The following KCNIP4 variants were observed in gnomAD, a reference collection of about 807,000 sequenced individuals.
KCNIP4 encodes the protein potassium voltage-gated channel interacting protein 4.
A neutral mutation model predicts 34.0 loss-of-function variants in KCNIP4; 12 were observed. The observed-to-expected ratio is 0.35, with a 90% confidence interval of 0.23 to 0.57. The LOEUF (loss-of-function observed/expected upper bound fraction) is 0.57, where lower values mean the gene tolerates loss of function less well. KCNIP4 is among the 20% of genes least tolerant of loss of function. The pLI is 0.83. For synonymous variants in KCNIP4, 124 were observed against 102.2 expected, an observed-to-expected ratio of 1.21 and a Z score of -1.29; for missense variants, 238 against 311.7, an observed-to-expected ratio of 0.76 and a Z score of 1.78.
rs936477118 is a variant in KCNIP4 at position 21,083,594 on chromosome 4, T to C, written c.62-200885A>G. ...GGCAATGAGATCACTGAGTCAGAGA[T>C]TGGAGTTAGGCATCCATAAACCAAG... On this transcript the variant is annotated intron_variant, in intron 1 of 8. Transcript: ENST00000382152. Among the ~76,000 whole-genome samples, 7 of 151,568 alleles carry C rather than the reference T, an allele frequency of 4.6e-5. 1 individual carries two copies. In the East Asian group the frequency reaches 5.8e-4, roughly 13 times the overall value.
intron 1 of KCNIP4, among the ~76,000 whole-genome samples, chr4:21,134,986 C>T (rs2109186867): frequency 6.6e-6 from 1 of 152,330 alleles, no homozygotes. Flanking sequence ...GTCAACTTTA[C>T]AAATGGCATC....
rs180852492 is a variant in KCNIP4 at position 21,729,666 on chromosome 4, T to C, written c.61+218905A>G. Among the ~76,000 whole-genome samples the C allele has an allele frequency of 2.0e-5, 3 of 152,296 alleles. No individual in the cohort carries two copies. The East Asian group carries it at 5.8e-4, about 29-fold the overall frequency. ...AAGGTATGCCTCTGCTTCATTCCCA[T>C]GAATGTTTCCTATAAGTTTACATGT... On this transcript the variant is annotated intron_variant, in intron 1 of 8. Transcript: ENST00000382152.
intron 1 of KCNIP4, among the ~76,000 whole-genome samples, chr4:20,920,284 G>C (rs1409624983): frequency 2.0e-5 from 3 of 152,038 alleles, no homozygotes; most frequent in Admixed American, 1.3e-4. Flanking sequence ...ACAATTCCTG[G>C]ACAGCCCTGC....
At chr4:21,437,499 G>A (rs1354907569) in intron 1 of KCNIP4, among the ~76,000 whole-genome samples, 1 of 152,142 alleles carries the variant, frequency 6.6e-6, no homozygotes, top group African/African-American at 2.4e-5. Context: ...AAGCCCCTGA[G>A]GCAGTTTTGT....
At chr4:21,691,728 C>A (rs1356102513) in intron 1 of KCNIP4, among the ~76,000 whole-genome samples, 1 of 118,940 alleles carries the variant, frequency 8.4e-6, no homozygotes, top group Non-Finnish European at 1.6e-5. Flanking sequence ...GAGACAGAGT[C>A]TCACCCTGTT....
chr4:21,420,339 A>C (rs1725342955), intron 1 of KCNIP4, among the ~76,000 whole-genome samples: 1 of 152,168 alleles, frequency 6.6e-6, no homozygotes, highest in South Asian at 2.1e-4. Flanking sequence ...CTAGGCTGTC[A>C]TCATCTTGTT....
intron 1 of KCNIP4, among the ~76,000 whole-genome samples, chr4:21,179,840 A>G (rs976120764): frequency 6.6e-6 from 1 of 152,114 alleles, no homozygotes; most frequent in African/African-American, 2.4e-5. Context: ...CAACTCATTT[A>G]TTTCTTTCTC....
chr4:21,550,823 C>CA lies in KCNIP4; in HGVS notation c.61+397747dup, dbSNP rs149731240. On this transcript the variant is annotated intron_variant, in intron 1 of 8. Coordinates refer to ENST00000382152, the MANE Select transcript of KCNIP4 (RefSeq NM_025221.6). Reference sequence around the variant, plus strand: ...AACATATACATAAATTTTAAAATTTCAAAAAAACCACAGTTCTCAATCTTT... The same window carrying CA: ...AACATATACATAAATTTTAAAATTTCAAAAAAAACCACAGTTCTCAATCTTT... Among the ~76,000 whole-genome samples, 605 of 151,972 alleles carry CA rather than the reference C, an allele frequency of 4.0e-3. 4 individuals are homozygous for CA. The highest frequency in any genetic ancestry group is 5.4e-3 in the Non-Finnish European group (367 of 67,924).
At chr4:21,334,515 T>C (rs1368779966) in intron 1 of KCNIP4, among the ~76,000 whole-genome samples, 2 of 152,062 alleles carry the variant, frequency 1.3e-5, no homozygotes, top group African/African-American at 4.8e-5. Context: ...TAGCTTTTTT[T>C]GAGGTACAAT....
At chr4:21,224,735 C>T (rs1351826914) in intron 1 of KCNIP4, among the ~76,000 whole-genome samples, 3 of 151,668 alleles carry the variant, frequency 2.0e-5, no homozygotes, top group East Asian at 1.9e-4. Context: ...TATAGATGCG[C>T]ACCACCATGC....
At chr4:21,590,840 C>G (rs1464562282) in intron 1 of KCNIP4, among the ~76,000 whole-genome samples, 1 of 151,906 alleles carries the variant, frequency 6.6e-6, no homozygotes, top group Non-Finnish European at 1.5e-5. Context: ...TCCTCTCTCT[C>G]TCTTAAAATT....
At chr4:21,840,585 T>G (rs1723617169) in intron 1 of KCNIP4, among the ~76,000 whole-genome samples, 2 of 152,178 alleles carry the variant, frequency 1.3e-5, no homozygotes, top group African/African-American at 4.8e-5. Flanking sequence ...CAATTTTGCT[T>G]TGAGAAGCTA....
intron 1 of KCNIP4, among the ~76,000 whole-genome samples, chr4:21,461,849 C>T (rs1367218443): frequency 6.6e-6 from 1 of 152,014 alleles, no homozygotes; most frequent in Non-Finnish European, 1.5e-5. Flanking sequence ...CACTTTACCT[C>T]CACGACTTTC....
chr4:21,740,597 C>G (rs1716330459), intron 1 of KCNIP4, among the ~76,000 whole-genome samples: 1 of 152,138 alleles, frequency 6.6e-6, no homozygotes, highest in Admixed American at 6.6e-5. Context: ...CATTTCAAAT[C>G]TGACAGACTT....
At chr4:21,272,400 T>C (rs892407582) in intron 1 of KCNIP4, among the ~76,000 whole-genome samples, 2 of 152,334 alleles carry the variant, frequency 1.3e-5, no homozygotes, top group Middle Eastern at 3.4e-3. Flanking sequence ...AGTCATATAT[T>C]TTCCCAAGCA....
intron 1 of KCNIP4, among the ~76,000 whole-genome samples, chr4:21,473,713 T>A (rs12507851): frequency 0.28 from 40,948 of 147,984 alleles, 6,040 homozygotes; most frequent in African/African-American, 0.39. Flanking sequence ...AGACTGAGAA[T>A]TCTTTTTTTT....
Position 21,295,288 on chromosome 4 carries a change from C to T in KCNIP4, c.62-412579G>A, listed in dbSNP as rs539975069. 2.0e-5 allele frequency among the ~76,000 whole-genome samples: 3 copies of T among 152,132 alleles called. No individual in the cohort carries two copies. The East Asian group carries it at 5.8e-4, about 29-fold the overall frequency. On this transcript the variant is annotated intron_variant, in intron 1 of 8. Coordinates refer to ENST00000382152, the MANE Select transcript of KCNIP4 (RefSeq NM_025221.6). ...CTGAAAATAAGTGTTGAATCCATGCCCTGGTGGTATCTGGTGCAGAGCAAA... is the reference window on the plus strand; with the variant it reads ...CTGAAAATAAGTGTTGAATCCATGCTCTGGTGGTATCTGGTGCAGAGCAAA...
At chr4:21,649,903 G>A (rs1216835455) in intron 1 of KCNIP4, among the ~76,000 whole-genome samples, 1 of 152,162 alleles carries the variant, frequency 6.6e-6, no homozygotes, top group African/African-American at 2.4e-5. Flanking sequence ...GTGAGTGAGG[G>A]TCATATTTTA....
chr4:21,750,482 G>A (rs929711627), intron 1 of KCNIP4, among the ~76,000 whole-genome samples: 1 of 152,038 alleles, frequency 6.6e-6, no homozygotes, highest in African/African-American at 2.4e-5. Flanking sequence ...CTGATGCTAG[G>A]TTGGGAATGA....
Sources: gnomAD v4.1 joint callset for allele counts (sites outside exome capture counted in the v4.1 genomes callset) on GRCh38, gnomAD v4.1.1 for gene constraint, MANE v1.5 for transcripts, NCBI Gene and HGNC (gene_info 2026-07-23, HGNC 2026-07-21) for gene names.